The following SLC17A2 variants were observed in gnomAD, a reference collection of about 807,000 sequenced individuals.
SLC17A2 encodes the protein solute carrier family 17 member 2.
A neutral mutation model predicts 52.1 loss-of-function variants in SLC17A2; 38 were observed. That is an observed-to-expected ratio of 0.73 (90% CI 0.56 to 0.96). The LOEUF is 0.96. SLC17A2 is among the 40% of genes least tolerant of loss of function. The pLI, the probability that SLC17A2 is intolerant of heterozygous loss-of-function variation, is 0.00. For synonymous variants in SLC17A2, 226 were observed against 211.9 expected (o/e 1.07, Z -0.58); for missense variants, 508 against 583.9 (o/e 0.87, Z 1.34).
chr6:25,913,590 TATGAAACTATTGGA>T, intron 11 of SLC17A2, 139 bp from the exon 12 acceptor site: 1 of 796,336 alleles, frequency 1.3e-6, no homozygotes, highest in Non-Finnish European at 1.9e-6. Context: ...TAAGAAAGTT[TATGAAACTATTGGA>T]AACAAAATGG....
intron 5 of SLC17A2, among the ~76,000 whole-genome samples, chr6:25,918,919 G>C (rs903345865): frequency 6.6e-6 from 1 of 152,152 alleles, no homozygotes; most frequent in Admixed American, 6.5e-5. Context: ...GAGGCTAGGG[G>C]CAGGAAATGA....
intron 10 of SLC17A2, among the ~76,000 whole-genome samples, chr6:25,915,216 A>G (rs1766263116): frequency 7.1e-6 from 1 of 140,602 alleles, no homozygotes; most frequent in Non-Finnish European, 1.5e-5. Context: ...AACTTTTCCA[A>G]ATCACCTGTG....
In SLC17A2 at chr6:25,914,602, G is replaced by A; in HGVS notation, c.1280C>T (p.Ala427Val). The change falls in exon 11 of 12, where the codon GCC becomes GTC. Residue 427 changes from alanine to valine, a missense_variant. Transcript: ENST00000377850. ...AACCTGACTGATGAGGAATCCAGTG[G>A]CAGTGGAAGAGATGATTCCTGCGAT... ...GLIAGIISST[A>V]TGFLISQDFE... 1 of 1,611,954 alleles carries A rather than the reference G, an allele frequency of 6.2e-7. No individual in the cohort carries two copies. The highest frequency in any genetic ancestry group is 8.5e-7 in the Non-Finnish European group (1 of 1,178,008).
In SLC17A2 at chr6:25,923,718, A is replaced by G. The variant is rs1766644283; in HGVS notation, c.217T>C (p.Ser73Pro). The G allele has an allele frequency of 6.2e-7, 1 of 1,614,016 alleles. No homozygotes were observed. Among genetic ancestry groups the G allele is most frequent in the Non-Finnish European group, 8.5e-7 (1 of 1,179,928 alleles). The part of the protein sequence containing the change: ...VADAFNNSSI[S>P]IKEFDTKASV... ...ACCTTTGTATCAAATTCCTTGATGG[A>G]TATGCTGGAGTTATTGAAGGCATCT... Residue 73 changes from serine to proline, a missense_variant, in exon 3 of 12, where the codon TCC becomes CCC. Transcript: ENST00000377850.
At chr6:25,925,956 T>A in intron 1 of SLC17A2, 77 bp from the exon 2 acceptor site, 1 of 780,214 alleles carries the variant, frequency 1.3e-6, no homozygotes, top group Non-Finnish European at 2.2e-6. Flanking sequence ...TTAGCATCAG[T>A]AAAAGTTTTG....
At chr6:25,921,759 CAA>C (rs1351643790) in intron 3 of SLC17A2, among the ~76,000 whole-genome samples, 4 of 152,046 alleles carry the variant, frequency 2.6e-5, no homozygotes, top group Non-Finnish European at 1.5e-5. Flanking sequence ...ACTCTTATAT[CAA>C]AGAATTTTTT....
In SLC17A2 at chr6:25,913,424, A is replaced by C. The variant is rs1447248751; in HGVS notation, c.1330T>G (p.Phe444Val). The C allele has an allele frequency of 6.2e-7, 1 of 1,614,000 alleles. No homozygotes were observed. Among genetic ancestry groups the C allele is most frequent in the Non-Finnish European group, 8.5e-7 (1 of 1,179,976 alleles). The stretch of plus-strand genomic sequence containing the variant: ...ATGTTGACTGCAGCAGACAGGAAAA[A>C]GACATTCCTCCAACCAGACTCAAAA... ...QDFESGWRNV[F>V]FLSAAVNMFG... is the part of the protein sequence containing the mutation. Residue 444 changes from phenylalanine (F) to valine (V), a missense_variant, in exon 12 of 12, where the codon TTT (phenylalanine) becomes GTT (valine). Physicochemically the swap from Phe to Val is conservative, Grantham distance 50 (BLOSUM62 -1). Transcript: ENST00000377850.
rs145642026 is a variant in SLC17A2, at chr6:25,924,645, C to T, written c.29-739G>A. On this transcript the variant is annotated intron_variant, in intron 2 of 11. Transcript: ENST00000377850. ...TCAACATGGTGAAACCCCATCTCTA[C>T]TAAAAATACAAAAATTACCCAGGCA... 2.6e-3 allele frequency among the ~76,000 whole-genome samples: 399 copies of T among 151,980 alleles called. 2 individuals carry two copies. The highest frequency in any genetic ancestry group is 0.011 in the East Asian group (57 of 5,166).
intron 1 of SLC17A2, among the ~76,000 whole-genome samples, chr6:25,928,869 G>A (rs1766854462): frequency 1.3e-5 from 2 of 152,008 alleles, no homozygotes; most frequent in Non-Finnish European, 2.9e-5. Flanking sequence ...TAGTGCCAAA[G>A]TTGTAAGTAG....
At chr6:25,922,483 A>G (rs1176316629) in intron 3 of SLC17A2, among the ~76,000 whole-genome samples, 2 of 152,236 alleles carry the variant, frequency 1.3e-5, no homozygotes, top group Non-Finnish European at 2.9e-5. Flanking sequence ...GCAGGCCCAA[A>G]TTCTGAAGGA....
Position 25,925,752 on chromosome 6 carries a change from A to C in SLC17A2, c.28+17T>G. ...CAGCTTATTAACATAGCCTGCAAACAAGAGCAGTGGCTTTACCTTTCCTGG... is the reference window on the plus strand; with the variant it reads ...CAGCTTATTAACATAGCCTGCAAACCAGAGCAGTGGCTTTACCTTTCCTGG... On this transcript the variant is annotated intron_variant, in intron 2 of 11. Coordinates refer to ENST00000377850, the MANE Select transcript of SLC17A2 (RefSeq NM_001286123.3). 3 of 1,612,496 alleles carry C rather than the reference A, an allele frequency of 1.9e-6. No homozygotes were observed. Among genetic ancestry groups the C allele is most frequent in the Non-Finnish European group, 2.5e-6 (3 of 1,178,500 alleles).
intron 8 of SLC17A2, among the ~76,000 whole-genome samples, chr6:25,916,383 G>A (rs1766318649): frequency 6.6e-6 from 1 of 152,130 alleles, no homozygotes; most frequent in Non-Finnish European, 1.5e-5. Flanking sequence ...GCCTGGCCCA[G>A]CAATATTATT....
chr6:25,916,303 G>A (rs906428580), intron 8 of SLC17A2, among the ~76,000 whole-genome samples: 8 of 152,144 alleles, frequency 5.3e-5, no homozygotes, highest in Admixed American at 1.3e-4. Flanking sequence ...GGCTGGTCTT[G>A]CATTCCTGAC....
intron 1 of SLC17A2, 25 bp from the exon 2 acceptor site, chr6:25,925,904 C>T: frequency 8.8e-7 from 1 of 1,131,254 alleles, no homozygotes. Flanking sequence ...TAATCCAAAA[C>T]ATAATACACA....
chr6:25,926,296 C>G (rs1411001035), intron 1 of SLC17A2, among the ~76,000 whole-genome samples: 1 of 152,174 alleles, frequency 6.6e-6, no homozygotes, highest in African/African-American at 2.4e-5. Context: ...CCAGAGCGGT[C>G]TTTCCTTTCA....
chr6:25,913,197 A>G lies in SLC17A2; in HGVS notation c.*120T>C. 1 of 1,051,602 alleles carries G rather than the reference A, an allele frequency of 9.5e-7. No individual in the cohort carries two copies. The highest frequency in any genetic ancestry group is 1.9e-5 in the Admixed American group (1 of 53,266). 65.1% of individuals were successfully genotyped at this position (1,051,602 alleles called of 1,614,324 possible). A position where few individuals can be genotyped will look rare whatever the true frequency, so the allele number is the denominator to read the frequency against. The stretch of plus-strand genomic sequence containing the variant: ...GTGTCTTATAAAGGCTCCCCAGGGA[A>G]GACTAACACACAGCCAGAGTTAAGA... On this transcript the variant is annotated 3_prime_UTR_variant, in exon 12 of 12. Coordinates refer to ENST00000377850, the MANE Select transcript of SLC17A2 (RefSeq NM_001286123.3).
At position 25,921,050 on chromosome 6, in the gene SLC17A2, G is replaced by T; in HGVS notation, c.518C>A (p.Ala173Asp). The change falls in exon 5 of 12, where the codon GCT becomes GAT. Residue 173 changes from alanine to aspartate, a missense_variant. Coordinates refer to ENST00000377850, the MANE Select transcript of SLC17A2 (RefSeq NM_001286123.3). ...TGQFTIWAKW[A>D]PPLERSKLTT... is the part of the protein sequence containing the mutation. ...GAGCTTGCTTCGTTCAAGTGGAGGA[G>T]CCCACTTTGCCCAAATAGTAAACTG... is the stretch of plus-strand genomic sequence containing the variant. 1 of 1,614,138 alleles carries T rather than the reference G, an allele frequency of 6.2e-7. No homozygotes were observed.
At position 25,918,570 on chromosome 6, in the gene SLC17A2, G is replaced by A. The variant is rs1766418411; in HGVS notation, c.566C>T (p.Ser189Leu). Residue 189 changes from serine (S) to leucine (L), a missense_variant, in exon 6 of 12, where the codon TCA becomes TTA. By Grantham distance (145) the Ser-to-Leu change is moderately radical. Coordinates refer to ENST00000377850, the MANE Select transcript of SLC17A2 (RefSeq NM_001286123.3). ...SKLTTIAGSG[S>L]AFGSFIILCV... ...GAGGATGATGAAGGATCCAAATGCT[G>A]ACCCTAAAGGAAAAAGGGAGAAAAA... 1 of 1,609,168 alleles carries A rather than the reference G, an allele frequency of 6.2e-7. No homozygotes were observed. Among genetic ancestry groups the A allele is most frequent in the Non-Finnish European group, 8.5e-7 (1 of 1,175,664 alleles).
intron 3 of SLC17A2, among the ~76,000 whole-genome samples, chr6:25,922,329 A>G (rs1766591911): frequency 1.3e-5 from 2 of 152,242 alleles, no homozygotes; most frequent in African/African-American, 2.4e-5. Flanking sequence ...GATTTGTAGA[A>G]AGTCAAAAAG....
Sources: allele counts gnomAD v4.1 joint callset (sites outside exome capture counted in the v4.1 genomes callset), GRCh38; gene constraint gnomAD v4.1.1; transcripts MANE v1.5; gene names NCBI Gene and HGNC (gene_info 2026-07-23, HGNC 2026-07-21).